The following CSK variants were observed in gnomAD, a reference collection of about 807,000 sequenced individuals.
CSK encodes the protein tyrosine-protein kinase CSK.
In CSK, 7 loss-of-function variants were observed where a neutral mutation model predicts 62.3. The ratio of observed to expected loss-of-function variants is 0.11; its 90% CI spans 0.06 to 0.21. CSK has a LOEUF of 0.21. CSK is among the 10% of genes least tolerant of loss of function. The pLI, the probability that CSK is intolerant of heterozygous loss-of-function variation, is 1.00. For synonymous variants in CSK, 237 were observed against 246.0 expected (o/e 0.96, Z 0.34); for missense variants, 294 against 613.5 (o/e 0.48, Z 5.50).
intron 1 of CSK, among the ~76,000 whole-genome samples, chr15:74,788,178 C>T (rs1276849224): frequency 1.3e-5 from 2 of 152,318 alleles, no homozygotes; most frequent in South Asian, 2.1e-4. Context: ...GGGCTGCTGG[C>T]TCTTTTCTGT....
intron 1 of CSK, among the ~76,000 whole-genome samples, chr15:74,796,281 C>T (rs1045161083): frequency 6.6e-6 from 1 of 150,576 alleles, no homozygotes; most frequent in East Asian, 1.9e-4. Context: ...TTCTTTAAGT[C>T]GAAGGGGATC....
At chr15:74,788,671 G>C (rs1473606802) in intron 1 of CSK, 1 of 154,198 alleles carries the variant, frequency 6.5e-6, no homozygotes, top group Non-Finnish European at 1.5e-5. Flanking sequence ...TGCAGATCCT[G>C]GTTCTGAAGT....
intron 1 of CSK, among the ~76,000 whole-genome samples, chr15:74,786,013 TTGTGTG>T (rs1555464578): frequency 4.2e-5 from 2 of 47,814 alleles, no homozygotes; most frequent in Non-Finnish European, 1.1e-4. Context: ...TTTTTTTTTT[TTGTGTG>T]TGTGTGTGTG....
chr15:74,794,713 C>G (rs1017902101), intron 1 of CSK, among the ~76,000 whole-genome samples: 2 of 152,122 alleles, frequency 1.3e-5, no homozygotes, highest in African/African-American at 4.8e-5. Flanking sequence ...TTGAGTCACT[C>G]ACCCCAAGTC....
chr15:74,800,761 G>T lies in CSK; in HGVS notation c.622+15G>T. The T allele has an allele frequency of 1.9e-6, 3 of 1,581,172 alleles. No homozygotes were observed. The highest frequency in any genetic ancestry group is 1.7e-4 in the Middle Eastern group (1 of 6,024). On this transcript the variant is annotated intron_variant, in intron 7 of 12. Transcript: ENST00000220003. ...GGAGTTCGGAGGTGAGCTGGGCCGG[G>T]CCCCCTGGGGGGGTTCTGAGGGACT...
chr15:74,789,128 A>G (rs961240805), intron 1 of CSK, among the ~76,000 whole-genome samples: 2 of 152,184 alleles, frequency 1.3e-5, no homozygotes, highest in South Asian at 2.1e-4. Flanking sequence ...GGGGCAGGGG[A>G]AAAAAAGCCA....
chr15:74,800,068 T>C (rs904121151), intron 5 of CSK, among the ~76,000 whole-genome samples: 3 of 152,190 alleles, frequency 2.0e-5, no homozygotes, highest in Non-Finnish European at 4.4e-5. Context: ...CTGGCCTGGC[T>C]TGGCCTGTGG....
At position 74,798,633 on chromosome 15, in the gene CSK, A is replaced by G; in HGVS notation, c.34A>G (p.Thr12Ala). 1.9e-6 allele frequency: 3 copies of G among 1,613,558 alleles called. No homozygotes were observed. The highest frequency in any genetic ancestry group is 1.7e-6 in the Non-Finnish European group (2 of 1,180,004). Residue 12 changes from threonine to alanine, a missense_variant, in exon 3 of 13, where the codon ACA becomes GCA. By Grantham distance (58) the Thr-to-Ala change is moderately conservative. This residue lies in a region of CSK where 202 missense variants were observed against 415.7 expected (regional missense o/e 0.49). Coordinates refer to ENST00000220003, the MANE Select transcript of CSK (RefSeq NM_004383.3). The surrounding 1 kb of genome is among the most constrained non-coding windows in gnomAD (Gnocchi z 6.6). ...CTTGCAGGCCGCCTGGCCATCCGGT[A>G]CAGAATGTATTGCCAAGTACAACTT... Reference protein sequence around the residue: ...SAIQAAWPSGTECIAKYNFHG... With the variant: ...SAIQAAWPSGAECIAKYNFHG...
intron 5 of CSK, 129 bp downstream of exon 5, chr15:74,799,620 C>G: frequency 1.1e-6 from 1 of 936,654 alleles, no homozygotes; most frequent in South Asian, 1.6e-5. Flanking sequence ...TTCTGTGAGC[C>G]CTTGTTTCCT....
intron 1 of CSK, among the ~76,000 whole-genome samples, chr15:74,792,283 C>G (rs892195802): frequency 1.3e-5 from 2 of 152,086 alleles, no homozygotes; most frequent in Admixed American, 1.3e-4. Flanking sequence ...GCTGCACCCC[C>G]AAGGTTGAGT....
intron 1 of CSK, among the ~76,000 whole-genome samples, chr15:74,784,420 T>A (rs1284153347): frequency 2.0e-5 from 3 of 151,856 alleles, no homozygotes; most frequent in East Asian, 1.9e-4. Context: ...ATTTTATTTT[T>A]TTACCAACTG....
intron 1 of CSK, among the ~76,000 whole-genome samples, chr15:74,786,649 T>C (rs1383235024): frequency 6.6e-6 from 1 of 152,176 alleles, no homozygotes; most frequent in Non-Finnish European, 1.5e-5. Flanking sequence ...TGTGTATCAC[T>C]GTGACACACC....
chr15:74,785,514 C>T (rs2141772160), intron 1 of CSK, among the ~76,000 whole-genome samples: 1 of 152,334 alleles, frequency 6.6e-6, no homozygotes, highest in Middle Eastern at 3.4e-3. Flanking sequence ...AGACAGGTCA[C>T]TGACCTGCTG....
Position 74,801,972 on chromosome 15 carries a change from G to A in CSK, c.1084-25G>A, listed in dbSNP as rs377390540. ...CCACCCTGGAGTCCCAGGATCTGAC[G>A]CTGCTTCTTCCATCCACATGGCAGA... On this transcript the variant is annotated intron_variant, in intron 11 of 12. Transcript: ENST00000220003. 9.3e-6 allele frequency: 15 copies of A among 1,612,680 alleles called. 1 individual carries two copies. Among genetic ancestry groups the A allele is most frequent in the Middle Eastern group, 1.6e-4 (1 of 6,076 alleles).
chr15:74,800,721 G>A lies in CSK; in HGVS notation c.597G>A (p.Gln199=). 1 of 1,569,074 alleles carries A rather than the reference G, an allele frequency of 6.4e-7. No homozygotes were observed. Among genetic ancestry groups the A allele is most frequent in the Non-Finnish European group, 8.6e-7 (1 of 1,156,672 alleles). ...ACATGAAGGAGCTGAAGCTGCTGCA[G>A]ACCATCGGGAAGGGGGAGTTCGGAG... ...ALNMKELKLL[Q]TIGKGEFGDV... Residue 199 remains glutamine (Q), a synonymous_variant, in exon 7 of 13, where the codon CAG becomes CAA. Coordinates refer to ENST00000220003, the MANE Select transcript of CSK (RefSeq NM_004383.3).
At chr15:74,784,773 G>C (rs36102361) in intron 1 of CSK, among the ~76,000 whole-genome samples, 1 of 152,158 alleles carries the variant, frequency 6.6e-6, no homozygotes, top group South Asian at 2.1e-4. Flanking sequence ...CCCCCCAAAG[G>C]GGGCAGACCC....
chr15:74,788,192 T>C (rs1432830200), intron 1 of CSK, among the ~76,000 whole-genome samples: 1 of 152,166 alleles, frequency 6.6e-6, no homozygotes, highest in Non-Finnish European at 1.5e-5. Context: ...TTTCTGTGTG[T>C]CCCTCGACAG....
intron 9 of CSK, 102 bp downstream of exon 9, chr15:74,801,204 G>T: frequency 7.7e-7 from 1 of 1,303,738 alleles, no homozygotes. Flanking sequence ...CCCCAAGTGA[G>T]CTTTTAGGTC....
At chr15:74,797,388 T>G (rs1016715856) in intron 1 of CSK, among the ~76,000 whole-genome samples, 1 of 152,146 alleles carries the variant, frequency 6.6e-6, no homozygotes, top group Non-Finnish European at 1.5e-5. Context: ...AAACCCCATC[T>G]CTACTGAAAA....
Sources: gnomAD v4.1 joint callset for allele counts (sites outside exome capture counted in the v4.1 genomes callset) on GRCh38, gnomAD v4.1.1 for gene constraint, gnomAD v4.1.1 regional missense constraint, Gnocchi (gnomAD v3.1) non-coding constraint, MANE v1.5 for transcripts, NCBI Gene and HGNC (gene_info 2026-07-23, HGNC 2026-07-21) for gene names.